NR1I2: variants seen among roughly 807,000 people sequenced by gnomAD.
NR1I2 encodes orphan nuclear receptor PAR1.
Under a neutral mutation model 43.3 loss-of-function variants are expected in NR1I2, and 42 were observed. The observed-to-expected ratio is 0.97, with a 90% CI of 0.76 to 1.26. The LOEUF (loss-of-function observed/expected upper bound fraction) is 1.26, where lower values mean the gene tolerates loss of function less well. NR1I2 is among the 50% of genes most tolerant of loss of function. The pLI, the probability that NR1I2 is intolerant of heterozygous loss-of-function variation, is 0.00. For missense variants in NR1I2, 559 were observed against 566.7 expected (o/e 0.99, Z 0.14); for synonymous variants, 229 against 215.0 (o/e 1.06, Z -0.57).
At position 119,812,932 on chromosome 3, in the gene NR1I2, A is replaced by T; in HGVS notation, c.766A>T (p.Ser256Cys). Residue 256 changes from serine (S) to cysteine (C), a missense_variant, in exon 5 of 9, where the codon AGC (serine) becomes TGC (cysteine). Physicochemically the swap from Ser to Cys is moderately radical, Grantham distance 112. This residue lies in a region of NR1I2 where 323 missense variants were observed against 312.2 expected (regional missense o/e 1.03). Coordinates refer to ENST00000393716, the MANE Select transcript of NR1I2 (RefSeq NM_003889.4). ...AACCTACATGTTCAAAGGCATCATC[A>T]GCTTTGCCAAAGTCATCTCCTACTT... 1.2e-6 allele frequency: 2 copies of T among 1,613,942 alleles called. No homozygotes were observed. The highest frequency in any genetic ancestry group is 8.5e-7 in the Non-Finnish European group (1 of 1,180,032).
At chr3:119,790,373 G>A (rs750760832) in intron 1 of NR1I2, among the ~76,000 whole-genome samples, 9 of 152,118 alleles carry the variant, frequency 5.9e-5, no homozygotes, top group Non-Finnish European at 8.8e-5. Flanking sequence ...GAACATCAGT[G>A]TACAAATATC....
rs761179278 is a variant in NR1I2 at position 119,812,953 on chromosome 3, T to C, written c.787T>C (p.Tyr263His). The C allele has an allele frequency of 3.2e-5, 51 of 1,613,292 alleles. No homozygotes were observed. In the East Asian group the frequency reaches 4.0e-4, roughly 13 times the overall value. The change falls in exon 5 of 9, where the codon TAC becomes CAC. Residue 263 changes from tyrosine to histidine, a missense_variant. By Grantham distance (83) the Tyr-to-His change is moderately conservative. Transcript: ENST00000393716. ...CATCAGCTTTGCCAAAGTCATCTCC[T>C]ACTTCAGGTAGGACATGGAGACTGG...
rs35761343 is a variant in NR1I2, at chr3:119,815,779, G to A, written c.1108G>A (p.Ala370Thr). 8.0e-4 allele frequency: 1,294 copies of A among 1,613,732 alleles called. 11 individuals are homozygous for A. The African/African-American group carries it at 0.016, about 20-fold the overall frequency. ...GGTGGACCAGCTGCAGGAGCAATTC[G>A]CCATTACTCTGAAGTCCTACATTGA... The change falls in exon 8 of 9, where the codon GCC (alanine) becomes ACC (threonine). Residue 370 changes from alanine to threonine, a missense_variant. Coordinates refer to ENST00000393716, the MANE Select transcript of NR1I2 (RefSeq NM_003889.4).
At chr3:119,814,386 G>C (rs1577286478) in intron 5 of NR1I2, among the ~76,000 whole-genome samples, 1 of 152,288 alleles carries the variant, frequency 6.6e-6, no homozygotes, top group East Asian at 1.9e-4. Context: ...CTAGGAGTGG[G>C]GCTTCAGGCA....
rs577828856 is a variant in NR1I2 at position 119,801,332 on chromosome 3, T to C, written c.-22-5897T>C. 3.3e-5 allele frequency among the ~76,000 whole-genome samples: 5 copies of C among 152,326 alleles called. No individual in the cohort carries two copies. The South Asian group carries it at 8.3e-4, about 25-fold the overall frequency. Reference sequence around the variant, plus strand: ...TCCTTTCAACCTTCTTCTGATGAGATTTCACCGATTACTAAGCACCGTGAG... The same window carrying C: ...TCCTTTCAACCTTCTTCTGATGAGACTTCACCGATTACTAAGCACCGTGAG... On this transcript the variant is annotated intron_variant, in intron 1 of 8. Transcript: ENST00000393716.
chr3:119,790,083 C>T (rs939711751), intron 1 of NR1I2, among the ~76,000 whole-genome samples: 1 of 152,144 alleles, frequency 6.6e-6, no homozygotes, highest in Non-Finnish European at 1.5e-5. Context: ...TTAAACAACT[C>T]CCATTCCCCT....
intron 1 of NR1I2, among the ~76,000 whole-genome samples, chr3:119,783,177 A>G (rs1005674223): frequency 1.3e-5 from 2 of 151,270 alleles, no homozygotes; most frequent in Non-Finnish European, 1.5e-5. Flanking sequence ...TAATGGGAAA[A>G]AGTATTTTGT....
intron 1 of NR1I2, chr3:119,792,006 A>C: frequency 1.4e-6 from 1 of 708,116 alleles, no homozygotes; most frequent in Non-Finnish European, 2.6e-6. Flanking sequence ...ATGGGTACAG[A>C]AACCAATTAT....
intron 1 of NR1I2, among the ~76,000 whole-genome samples, chr3:119,795,718 C>T (rs1236382951): frequency 6.6e-6 from 1 of 152,236 alleles, no homozygotes; most frequent in Non-Finnish European, 1.5e-5. Context: ...TTCCCTCTCT[C>T]TGTGTTTCTC....
chr3:119,813,283 G>T (rs770497589), intron 5 of NR1I2, among the ~76,000 whole-genome samples: 1 of 152,220 alleles, frequency 6.6e-6, no homozygotes, highest in Non-Finnish European at 1.5e-5. Flanking sequence ...CATTCAGATA[G>T]TCTTTTGTAC....
chr3:119,795,273 A>G (rs1163153665), intron 1 of NR1I2, among the ~76,000 whole-genome samples: 2 of 152,206 alleles, frequency 1.3e-5, no homozygotes, highest in East Asian at 3.8e-4. Context: ...ATGACTCAGT[A>G]ACAGATAAGC....
intron 2 of NR1I2, among the ~76,000 whole-genome samples, chr3:119,808,421 T>C (rs1157108895): frequency 1.3e-5 from 2 of 152,272 alleles, no homozygotes; most frequent in Admixed American, 6.5e-5. Context: ...GCCCAGCCTA[T>C]GCCTGAACTA....
intron 3 of NR1I2, 89 bp downstream of exon 3, chr3:119,810,283 A>C: frequency 6.6e-7 from 1 of 1,505,162 alleles, no homozygotes; most frequent in Non-Finnish European, 8.9e-7. Context: ...TTGTGTGGAG[A>C]TGCGCGCCGA....
At chr3:119,801,560 G>T (rs2055081743) in intron 1 of NR1I2, among the ~76,000 whole-genome samples, 1 of 152,216 alleles carries the variant, frequency 6.6e-6, no homozygotes, top group Non-Finnish European at 1.5e-5. Flanking sequence ...TGCAGCTGCT[G>T]GGCTGGCTCC....
intron 1 of NR1I2, among the ~76,000 whole-genome samples, chr3:119,804,315 C>T (rs2055121503): frequency 6.6e-6 from 1 of 150,506 alleles, no homozygotes; most frequent in African/African-American, 2.4e-5. Context: ...GTGGAGCTTG[C>T]AGTGAGCCAA....
chr3:119,800,111 T>G (rs1297534130), intron 1 of NR1I2, among the ~76,000 whole-genome samples: 1 of 152,248 alleles, frequency 6.6e-6, no homozygotes, highest in African/African-American at 2.4e-5. Flanking sequence ...CAGAGTTTTA[T>G]AGTTATAGCT....
At chr3:119,790,718 TC>T (rs1220614434) in intron 1 of NR1I2, among the ~76,000 whole-genome samples, 1 of 152,242 alleles carries the variant, frequency 6.6e-6, no homozygotes, top group Non-Finnish European at 1.5e-5. Flanking sequence ...TGTACTATGT[TC>T]TTTATGGTCA....
chr3:119,816,010 C>T (rs888426379), intron 8 of NR1I2, among the ~76,000 whole-genome samples, 179 bp downstream of exon 8: 16 of 152,172 alleles, frequency 1.1e-4, no homozygotes, highest in Non-Finnish European at 1.0e-4. Context: ...CACAAGCAAA[C>T]AGGGGGACGT....
chr3:119,782,413 G>C (rs2054785551), intron 1 of NR1I2, 113 bp downstream of exon 1: 1 of 287,126 alleles, frequency 3.5e-6, no homozygotes, highest in Non-Finnish European at 6.9e-6. Context: ...ATCATAGTGG[G>C]TCGTGAATCA....
Sources: gnomAD v4.1 joint callset for allele counts (sites outside exome capture counted in the v4.1 genomes callset) on GRCh38, gnomAD v4.1.1 for gene constraint, gnomAD v4.1.1 regional missense constraint, MANE v1.5 for transcripts, NCBI Gene and HGNC (gene_info 2026-07-23, HGNC 2026-07-21) for gene names.